RALGAPA1: variants seen among roughly 807,000 people sequenced by gnomAD.
RALGAPA1 encodes the protein Ral GTPase activating protein catalytic subunit alpha 1.
Under a neutral mutation model 269.6 loss-of-function variants are expected in RALGAPA1, and 52 were observed. The ratio of observed to expected loss-of-function variants is 0.19; its 90% CI spans 0.15 to 0.24. The LOEUF (loss-of-function observed/expected upper bound fraction) is 0.24, where lower values mean the gene tolerates loss of function less well. Ranked by LOEUF, RALGAPA1 falls within the 10% of genes least tolerant of loss-of-function variation. The pLI, the probability that RALGAPA1 is intolerant of heterozygous loss-of-function variation, is 1.00. For missense variants in RALGAPA1, 1,917 were observed against 3,013.9 expected (o/e 0.64, Z 8.52); for synonymous variants, 817 against 1,008.3 (o/e 0.81, Z 3.60).
intron 31 of RALGAPA1, among the ~76,000 whole-genome samples, chr14:35,647,315 C>T (rs1012875300): frequency 6.6e-6 from 1 of 152,098 alleles, no homozygotes; most frequent in African/African-American, 2.4e-5. Context: ...TCACCAATGA[C>T]AATGAGCCGT....
intron 14 of RALGAPA1, 62 bp downstream of exon 14, chr14:35,724,961 AC>A: frequency 7.9e-7 from 1 of 1,261,200 alleles, no homozygotes; most frequent in East Asian, 2.7e-5. Context: ...CAAACAAACA[AC>A]AAAACAAAAC....
At chr14:35,568,587 A>T (rs1283801436) in intron 39 of RALGAPA1, among the ~76,000 whole-genome samples, 1 of 152,186 alleles carries the variant, frequency 6.6e-6, no homozygotes, top group African/African-American at 2.4e-5. Context: ...AGCTGTGAGT[A>T]TGGGTTTCAC....
At chr14:35,607,384 C>T (rs2059662988) in intron 35 of RALGAPA1, among the ~76,000 whole-genome samples, 1 of 152,178 alleles carries the variant, frequency 6.6e-6, no homozygotes, top group African/African-American at 2.4e-5. Context: ...ATTTCTCATC[C>T]TTCTCTAGCC....
chr14:35,628,007 T>C (rs1033343130), intron 33 of RALGAPA1, 56 bp from the exon 34 acceptor site: 2 of 1,488,338 alleles, frequency 1.3e-6, no homozygotes, highest in African/African-American at 1.4e-5. Flanking sequence ...GGGAATCATA[T>C]GACAATGAAA....
At chr14:35,620,394 C>T (rs1167608082) in intron 35 of RALGAPA1, among the ~76,000 whole-genome samples, 2 of 152,134 alleles carry the variant, frequency 1.3e-5, no homozygotes, top group African/African-American at 4.8e-5. Context: ...GACAAACCCA[C>T]AGCCAATATC....
At position 35,674,277 on chromosome 14, in the gene RALGAPA1, A is replaced by G; in HGVS notation, c.4820T>C (p.Ile1607Thr). The change falls in exon 24 of 42, where the codon ATT becomes ACT. Residue 1607 changes from isoleucine (I) to threonine (T), a missense_variant and splice_region_variant. Transcript: ENST00000680220. The part of the protein sequence containing the change: ...LCELWQNLAK[I>T]RDNLGISTDN... ...AGTTGAAATGCCAAGGTTATCTCTA[A>G]TCTGTAATTTTCAAATAAAAAGCAA... 6.2e-7 allele frequency: 1 copy of G among 1,603,368 alleles called. No individual in the cohort carries two copies. The highest frequency in any genetic ancestry group is 8.5e-7 in the Non-Finnish European group (1 of 1,174,528).
intron 13 of RALGAPA1, 80 bp downstream of exon 13, chr14:35,728,282 C>G (rs866355044): frequency 7.9e-7 from 1 of 1,271,424 alleles, no homozygotes; most frequent in Non-Finnish European, 1.0e-6. Flanking sequence ...ACCCTCTTCA[C>G]AGACACTATT....
In RALGAPA1 at chr14:35,756,858, C is replaced by G; in HGVS notation, c.598G>C (p.Asp200His). The G allele has an allele frequency of 6.2e-7, 1 of 1,611,472 alleles. No individual in the cohort carries two copies. ...ITPLVPPQSG[D>H]KGQEDLTSYF... ...CTTGTGAGATCTTCTTGCCCTTTATCTCCTGATTGTGGGGGGACAAGAGGA... is the reference window on the plus strand; with the variant it reads ...CTTGTGAGATCTTCTTGCCCTTTATGTCCTGATTGTGGGGGGACAAGAGGA... Residue 200 changes from aspartate (D) to histidine (H), a missense_variant, in exon 7 of 42, where the codon GAT becomes CAT. Around this residue, in one of 11 missense-constraint regions of RALGAPA1, gnomAD observed 462 missense variants for 725.6 expected, o/e 0.64. Coordinates refer to ENST00000680220, the MANE Select transcript of RALGAPA1 (RefSeq NM_001346249.2).
Position 35,748,667 on chromosome 14 carries a change from T to C in RALGAPA1, c.1169A>G (p.His390Arg). ...SSSLCSIDEEHLTDIEIVRRV... is the reference protein window; with the variant it reads ...SSSLCSIDEERLTDIEIVRRV... ...GCGAACTATTTCAATGTCTGTGAGATGTTCTTCATCAATACTACAGAGACT... is the reference window on the plus strand; with the variant it reads ...GCGAACTATTTCAATGTCTGTGAGACGTTCTTCATCAATACTACAGAGACT... The change falls in exon 10 of 42, where the codon CAT becomes CGT. Residue 390 changes from histidine to arginine, a missense_variant. By Grantham distance (29) the His-to-Arg change is conservative. This residue lies in a region of RALGAPA1 where 462 missense variants were observed against 725.6 expected (regional missense o/e 0.64). Transcript: ENST00000680220. The C allele has an allele frequency of 3.1e-6, 5 of 1,613,238 alleles. No individual in the cohort carries two copies. The highest frequency in any genetic ancestry group is 4.2e-6 in the Non-Finnish European group (5 of 1,179,684).
rs751757862 is a variant in RALGAPA1, at chr14:35,664,630, C to T, written c.5328+12G>A. ...TCATTTAAGTGCTAAAAATTAGCAT[C>T]TCATTTCTTACCTTAACATCTGTAA... On this transcript the variant is annotated intron_variant, in intron 27 of 41. Coordinates refer to ENST00000680220, the MANE Select transcript of RALGAPA1 (RefSeq NM_001346249.2). The T allele has an allele frequency of 4.4e-6, 7 of 1,589,604 alleles. No individual in the cohort carries two copies.
At chr14:35,553,210 C>T (rs570569534) in intron 39 of RALGAPA1, among the ~76,000 whole-genome samples, 8 of 152,290 alleles carry the variant, frequency 5.3e-5, no homozygotes, top group Non-Finnish European at 7.4e-5. Context: ...ACAGCAGGTG[C>T]TGTCTCTAGG....
At chr14:35,729,174 A>AC (rs2070240768) in intron 12 of RALGAPA1, among the ~76,000 whole-genome samples, 1 of 152,152 alleles carries the variant, frequency 6.6e-6, no homozygotes. Flanking sequence ...TGTTCAAAAC[A>AC]TTTTATCCTC....
At position 35,689,983 on chromosome 14, in the gene RALGAPA1, G is replaced by A. The variant is rs768876463; in HGVS notation, c.2428C>T (p.Leu810Phe). The A allele has an allele frequency of 3.1e-6, 5 of 1,587,450 alleles. No individual in the cohort carries two copies. The highest frequency in any genetic ancestry group is 4.3e-6 in the Non-Finnish European group (5 of 1,171,062). ...TGTCTGACTCTAGTTGAGCGGGGAA[G>A]TATTTGAGCATCATCAATATCTGTA... ...ELSDIDDAQILPRSTRVRHFS... is the reference protein window; with the variant it reads ...ELSDIDDAQIFPRSTRVRHFS... Residue 810 changes from leucine (L) to phenylalanine (F), a missense_variant, in exon 18 of 42, where the codon CTT becomes TTT. By Grantham distance (22) the Leu-to-Phe change is conservative (BLOSUM62 0). Transcript: ENST00000680220.
At chr14:35,663,361 T>A (rs1489014266) in intron 27 of RALGAPA1, among the ~76,000 whole-genome samples, 1 of 151,818 alleles carries the variant, frequency 6.6e-6, no homozygotes, top group African/African-American at 2.4e-5. Flanking sequence ...CTATAGAAAG[T>A]GTATGCAACA....
intron 6 of RALGAPA1, among the ~76,000 whole-genome samples, chr14:35,757,402 G>A (rs1444758253): frequency 6.6e-6 from 1 of 152,062 alleles, no homozygotes; most frequent in Non-Finnish European, 1.5e-5. Context: ...TTACAGGTGT[G>A]AGCCACCGTG....
intron 8 of RALGAPA1, among the ~76,000 whole-genome samples, chr14:35,751,013 C>G (rs542146424): frequency 6.6e-6 from 1 of 152,176 alleles, no homozygotes; most frequent in African/African-American, 2.4e-5. Flanking sequence ...ACCACTGAAA[C>G]ACATAGTTTG....
At chr14:35,614,556 G>A (rs1326519831) in intron 35 of RALGAPA1, among the ~76,000 whole-genome samples, 1 of 152,050 alleles carries the variant, frequency 6.6e-6, no homozygotes, top group African/African-American at 2.4e-5. Context: ...TCTAAGGCTG[G>A]GGGGAAAGAA....
intron 16 of RALGAPA1, among the ~76,000 whole-genome samples, chr14:35,701,962 T>C (rs1355233984): frequency 1.3e-5 from 2 of 152,158 alleles, no homozygotes; most frequent in Non-Finnish European, 2.9e-5. Context: ...GAGAGGTTTT[T>C]CTAACTCTCC....
chr14:35,787,677 G>A (rs1311026328), intron 1 of RALGAPA1, among the ~76,000 whole-genome samples: 3 of 149,002 alleles, frequency 2.0e-5, no homozygotes, highest in Admixed American at 1.3e-4. Context: ...CTCTGGGCTC[G>A]TAATTCTCTC....
Sources: gnomAD v4.1 joint callset for allele counts (sites outside exome capture counted in the v4.1 genomes callset) on GRCh38, gnomAD v4.1.1 for gene constraint, gnomAD v4.1.1 regional missense constraint, MANE v1.5 for transcripts, NCBI Gene and HGNC (gene_info 2026-07-23, HGNC 2026-07-21) for gene names.